OTOA: variants seen among roughly 807,000 people sequenced by gnomAD.
OTOA encodes otoancorin, also known as cancer/testis antigen 108.
OTOA carries 70 observed loss-of-function variants against 110.8 expected under a neutral mutation model. The ratio of observed to expected loss-of-function variants is 0.63; its 90% CI spans 0.52 to 0.77. The LOEUF (loss-of-function observed/expected upper bound fraction) is 0.77. OTOA is among the 30% of genes least tolerant of loss of function. The pLI is 0.00. For missense variants in OTOA, 917 were observed against 1,075.8 expected, an observed-to-expected ratio of 0.85 and a Z score of 2.06; for synonymous variants, 373 against 431.5, an observed-to-expected ratio of 0.86 and a Z score of 1.68.
chr16:21,684,598 A>T, intron 6 of OTOA: 3 of 1,465,154 alleles, frequency 2.0e-6, no homozygotes, highest in Non-Finnish European at 2.8e-6. Flanking sequence ...CCTGAGAGTT[A>T]CTTCAACAAG....
chr16:21,709,020 A>G (rs575512521), intron 12 of OTOA, among the ~76,000 whole-genome samples: 60 of 152,220 alleles, frequency 3.9e-4, no homozygotes, highest in Non-Finnish European at 7.3e-4. Flanking sequence ...AAAACTATGT[A>G]GTGTCTCTAT....
chr16:21,754,960 TTATC>T (rs1230038292), intron 27 of OTOA, among the ~76,000 whole-genome samples: 2 of 36,056 alleles, frequency 5.5e-5, no homozygotes, highest in African/African-American at 1.7e-4. Context: ...GTACAGGTAT[TTATC>T]TATTCCAGAA....
chr16:21,728,431 G>C lies in OTOA; in HGVS notation c.2207G>C (p.Gly736Ala). The change falls in exon 20 of 29, where the codon GGA becomes GCA. Residue 736 changes from glycine (G) to alanine (A), a missense_variant and splice_region_variant. This residue lies in a region of OTOA where 840 missense variants were observed against 910.2 expected (regional missense o/e 0.92). Transcript: ENST00000646100. ...AVRLKLLGQY[G>A]LPQHWTAETT... ...AGGCTCAAGCTCCTGGGACAGTATG[G>C]GTGAGGAGCGGCTGGGTTTGGCTTT... 1 of 1,613,620 alleles carries C rather than the reference G, an allele frequency of 6.2e-7. No homozygotes were observed. Among genetic ancestry groups the C allele is most frequent in the Non-Finnish European group, 8.5e-7 (1 of 1,179,832 alleles).
intron 1 of OTOA, among the ~76,000 whole-genome samples, chr16:21,664,905 G>A (rs909530468): frequency 1.3e-5 from 2 of 152,066 alleles, no homozygotes; most frequent in African/African-American, 2.4e-5. Flanking sequence ...CCGGCAGGTG[G>A]AGGTTGCAGT....
chr16:21,681,872 G>C (rs1966898616), intron 6 of OTOA, 47 bp downstream of exon 6: 2 of 1,558,142 alleles, frequency 1.3e-6, no homozygotes, highest in Admixed American at 3.3e-5. Flanking sequence ...AGTGCTCAGG[G>C]ATTGCAAACT....
chr16:21,760,191 T>C (rs1297373776), intron 28 of OTOA, among the ~76,000 whole-genome samples: 3 of 151,808 alleles, frequency 2.0e-5, no homozygotes, highest in Non-Finnish European at 4.4e-5. Context: ...AATTCCTGGG[T>C]CTCCTGGCAG....
intron 10 of OTOA, among the ~76,000 whole-genome samples, chr16:21,698,305 A>G (rs1897985154): frequency 6.6e-6 from 1 of 152,208 alleles, no homozygotes; most frequent in African/African-American, 2.4e-5. Flanking sequence ...TACTTCTGTT[A>G]ATAGCTACTT....
chr16:21,712,684 A>AT (rs938794218), intron 13 of OTOA, among the ~76,000 whole-genome samples: 1 of 148,948 alleles, frequency 6.7e-6, no homozygotes, highest in Non-Finnish European at 1.5e-5. Context: ...ACTAAAAATA[A>AT]AAAAAAAAAA....
In OTOA at chr16:21,705,452, T is replaced by C. The variant is rs1898144193; in HGVS notation, c.1104+160T>C. The C allele has an allele frequency of 3.7e-6, 4 of 1,085,094 alleles. No homozygotes were observed. The South Asian group carries it at 5.7e-5, about 15-fold the overall frequency. The allele number at this position is 1,085,094 out of a possible 1,614,324, so 67.2% of individuals were successfully genotyped here. A position where few individuals can be genotyped will look rare whatever the true frequency, so the allele number is the denominator to read the frequency against. ...GGCATCTCAAATACTGAGGTAAGTG[T>C]AACATCGAAGCCCAGACAGAAAATA... On this transcript the variant is annotated intron_variant, in intron 12 of 28. Coordinates refer to ENST00000646100, the MANE Select transcript of OTOA (RefSeq NM_144672.4).
intron 9 of OTOA, among the ~76,000 whole-genome samples, chr16:21,694,742 G>A (rs1160869010): frequency 6.6e-6 from 1 of 152,148 alleles, no homozygotes; most frequent in Non-Finnish European, 1.5e-5. Context: ...TGGGGCTGGA[G>A]GATGGGGAAT....
At chr16:21,725,988 G>A (rs1183233976) in intron 18 of OTOA, among the ~76,000 whole-genome samples, 1 of 152,106 alleles carries the variant, frequency 6.6e-6, no homozygotes, top group East Asian at 1.9e-4. Flanking sequence ...GATCAAGAGT[G>A]GAAGGCAGAG....
At chr16:21,726,138 A>G (rs1190645715) in intron 18 of OTOA, among the ~76,000 whole-genome samples, 1 of 151,910 alleles carries the variant, frequency 6.6e-6, no homozygotes, top group Non-Finnish European at 1.5e-5. Context: ...CAACCAGTCC[A>G]TCAATCAACA....
intron 18 of OTOA, among the ~76,000 whole-genome samples, chr16:21,723,837 A>G (rs1898835361): frequency 6.6e-6 from 1 of 152,198 alleles, no homozygotes; most frequent in African/African-American, 2.4e-5. Context: ...TCCCAGTTTC[A>G]TATTCAGGGA....
intron 10 of OTOA, among the ~76,000 whole-genome samples, chr16:21,700,077 AC>A (rs1183252341): frequency 6.6e-6 from 1 of 152,146 alleles, no homozygotes; most frequent in Non-Finnish European, 1.5e-5. Flanking sequence ...TGCACGTGGC[AC>A]CCTTGGACAT....
In OTOA at chr16:21,685,358, C is replaced by T. The variant is rs147717988; in HGVS notation, c.396C>T (p.Gly132=). ...MKCLLEDKKD[G]LDLKDIIIDL... The stretch of plus-strand genomic sequence containing the variant: ...GCCTCTTAGAAGACAAGAAGGACGG[C>T]TTGGTGAGGAGCCCTTGGCATCCCG... Residue 132 remains glycine, a synonymous_variant, in exon 7 of 29, where the codon GGC becomes GGT. Coordinates refer to ENST00000646100, the MANE Select transcript of OTOA (RefSeq NM_144672.4). 278 of 1,611,130 alleles carry T rather than the reference C, an allele frequency of 1.7e-4. 1 individual carries two copies. Among genetic ancestry groups the T allele is most frequent in the South Asian group, 4.2e-4 (38 of 91,010 alleles).
chr16:21,750,583 C>G (rs373057474), intron 24 of OTOA, among the ~76,000 whole-genome samples: 774 of 21,334 alleles, frequency 0.036, no homozygotes, highest in East Asian at 0.33. Context: ...GAGACAGGCT[C>G]TATGCCTGCA....
chr16:21,726,184 T>G lies in OTOA; in HGVS notation c.1881-339T>G, dbSNP rs190862835. On this transcript the variant is annotated intron_variant, in intron 18 of 28. Coordinates refer to ENST00000646100, the MANE Select transcript of OTOA (RefSeq NM_144672.4). ...CGAGAACCCATTCTCTGATCAATGC[T>G]CTGGGGCATAGAAGAGGAGCATGAT... is the stretch of plus-strand genomic sequence containing the variant. Among the ~76,000 whole-genome samples the G allele has an allele frequency of 2.8e-3, 420 of 152,250 alleles. 1 individual carries two copies. The highest frequency in any genetic ancestry group is 9.6e-3 in the African/African-American group (399 of 41,532).
intron 6 of OTOA, 96 bp from the exon 7 acceptor site, chr16:21,685,134 G>A: frequency 6.6e-7 from 1 of 1,520,910 alleles, no homozygotes; most frequent in Non-Finnish European, 9.0e-7. Context: ...GTCTCTGCAG[G>A]GAATGAGGGG....
At chr16:21,675,307 ATTTTTTTTTTTTTT>A (rs57498010) in intron 1 of OTOA, among the ~76,000 whole-genome samples, 11 of 37,154 alleles carry the variant, frequency 3.0e-4, no homozygotes, top group Admixed American at 1.3e-3. Flanking sequence ...ACACCTGGCT[ATTTTTTTTTTTTTT>A]TTTTTTTTTT....
Sources: gnomAD v4.1 joint callset for allele counts (sites outside exome capture counted in the v4.1 genomes callset) on GRCh38, gnomAD v4.1.1 for gene constraint, gnomAD v4.1.1 regional missense constraint, MANE v1.5 for transcripts, NCBI Gene and HGNC (gene_info 2026-07-23, HGNC 2026-07-21) for gene names.